Variants in REDIC1 observed in about 807,000 individuals in gnomAD.
REDIC1 encodes regulator of DNA class I crossover intermediates 1, also known as HEI10 Interacting Protein 1.
At chr12:39,704,367 A>G in the REDIC1 span, among the ~76,000 whole-genome samples, 1 of 152,130 alleles carries the variant, frequency 6.6e-6, no homozygotes, top group African/African-American at 2.4e-5. Flanking sequence ...CAAAACCACA[A>G]TGAGATACCA....
At chr12:39,700,982 A>G in the REDIC1 span, among the ~76,000 whole-genome samples, 2 of 152,158 alleles carry the variant, frequency 1.3e-5, no homozygotes, top group Non-Finnish European at 2.9e-5. Flanking sequence ...CTGCAAAATC[A>G]TGCCAAAATG....
chr12:39,711,809 A>ATGTGTGTGTACACATGCATGTGTATATG, the REDIC1 span, among the ~76,000 whole-genome samples: 1 of 75,712 alleles, frequency 1.3e-5, no homozygotes, highest in Admixed American at 1.1e-4. Flanking sequence ...ATGCATGTGT[A>ATGTGTGTGTACACATGCATGTGTATATG]TGTGTGTACA....
the REDIC1 span, among the ~76,000 whole-genome samples, chr12:39,638,654 C>T: frequency 2.0e-4 from 30 of 151,964 alleles, no homozygotes; most frequent in Admixed American, 3.9e-4. Flanking sequence ...TTTATGTGGA[C>T]ATATCATTCT....
At chr12:39,810,368 A>G in the REDIC1 span, among the ~76,000 whole-genome samples, 2,588 of 152,264 alleles carry the variant, frequency 0.017, 33 homozygotes, top group Non-Finnish European at 0.027. Context: ...TTCTACAATG[A>G]CCTTTTTTGA....
the REDIC1 span, chr12:39,819,781 G>A: frequency 6.6e-6 from 1 of 152,448 alleles, no homozygotes; most frequent in Non-Finnish European, 1.5e-5. Flanking sequence ...ACATTTAAAA[G>A]GATAAATGCT....
At chr12:39,794,927 CT>C in the REDIC1 span, among the ~76,000 whole-genome samples, 1 of 152,094 alleles carries the variant, frequency 6.6e-6, no homozygotes, top group Admixed American at 6.6e-5. Flanking sequence ...AAGATGATTT[CT>C]TTTTCCACCC....
chr12:39,832,128 A>T, the REDIC1 span, among the ~76,000 whole-genome samples: 1 of 152,178 alleles, frequency 6.6e-6, no homozygotes, highest in East Asian at 1.9e-4. Context: ...TGATTCAGCA[A>T]TGTAAATATA....
chr12:39,819,202 G>A, the REDIC1 span, among the ~76,000 whole-genome samples: 1 of 151,974 alleles, frequency 6.6e-6, no homozygotes, highest in African/African-American at 2.4e-5. Flanking sequence ...TTTTCATCAA[G>A]AACAATAAGG....
At chr12:39,862,761 G>A in the REDIC1 span, among the ~76,000 whole-genome samples, 1 of 152,118 alleles carries the variant, frequency 6.6e-6, no homozygotes, top group African/African-American at 2.4e-5. Flanking sequence ...TGGGGTACAT[G>A]TCATATTTTA....
At chr12:39,669,291 G>A in the REDIC1 span, among the ~76,000 whole-genome samples, 1 of 152,176 alleles carries the variant, frequency 6.6e-6, no homozygotes, top group Non-Finnish European at 1.5e-5. Context: ...CTCAGCTGCA[G>A]GTCTGTTGGA....
chr12:39,896,241 T>C, the REDIC1 span, among the ~76,000 whole-genome samples: 1 of 100,958 alleles, frequency 9.9e-6, no homozygotes, highest in African/African-American at 3.6e-5. Flanking sequence ...TATGTGTATA[T>C]ATGTATACAT....
chr12:39,840,929 T>C, the REDIC1 span, among the ~76,000 whole-genome samples: 1 of 152,096 alleles, frequency 6.6e-6, no homozygotes. Context: ...TAGTTCCCTT[T>C]CTCTGTAGTT....
At chr12:39,749,615 A>G in the REDIC1 span, among the ~76,000 whole-genome samples, 1 of 151,778 alleles carries the variant, frequency 6.6e-6, no homozygotes, top group African/African-American at 2.4e-5. Flanking sequence ...GAGACACAAC[A>G]TAAGAGAATT....
chr12:39,901,255 C>T, the REDIC1 span, among the ~76,000 whole-genome samples: 1 of 152,174 alleles, frequency 6.6e-6, no homozygotes, highest in African/African-American at 2.4e-5. Flanking sequence ...AAAACCTAGG[C>T]AATACCATTC....
chr12:39,836,535 G>C, the REDIC1 span, among the ~76,000 whole-genome samples: 2 of 151,538 alleles, frequency 1.3e-5, no homozygotes, highest in Non-Finnish European at 2.9e-5. Context: ...ATTAGGAAAA[G>C]AGGAAGTCAA....
chr12:39,643,208 C>T, the REDIC1 span, among the ~76,000 whole-genome samples: 6 of 151,410 alleles, frequency 4.0e-5, no homozygotes, highest in African/African-American at 1.5e-4. Context: ...AATAACAGTT[C>T]AAACAGAAAG....
chr12:39,627,589 T>C, the REDIC1 span, among the ~76,000 whole-genome samples: 1 of 152,178 alleles, frequency 6.6e-6, no homozygotes, highest in Non-Finnish European at 1.5e-5. Flanking sequence ...ATTGTGTTTC[T>C]GAAAATGAGG....
chr12:39,764,085 A>G, the REDIC1 span, among the ~76,000 whole-genome samples: 20,346 of 151,906 alleles, frequency 0.13, 1,634 homozygotes, highest in East Asian at 0.39. Flanking sequence ...AGGACATCTC[A>G]TTGGCCCTAG....
At chr12:39,891,873 T>A in the REDIC1 span, among the ~76,000 whole-genome samples, 1 of 152,176 alleles carries the variant, frequency 6.6e-6, no homozygotes, top group Admixed American at 6.5e-5. Context: ...TTTTTTAAAG[T>A]GGTTTGATCA....
Sources: allele counts gnomAD v4.1 joint callset (sites outside exome capture counted in the v4.1 genomes callset), GRCh38; gene constraint gnomAD v4.1.1; transcripts MANE v1.5; gene names NCBI Gene and HGNC (gene_info 2026-07-23, HGNC 2026-07-21).